MDGA2: variants seen among roughly 807,000 people sequenced by gnomAD.
MDGA2 encodes the protein MAM domain containing glycosylphosphatidylinositol anchor 2.
Under a neutral mutation model 117.8 loss-of-function variants are expected in MDGA2, and 40 were observed. That is an observed-to-expected ratio of 0.34 (90% CI 0.26 to 0.44). The LOEUF is 0.44. Ranked by LOEUF, MDGA2 falls within the 20% of genes least tolerant of loss-of-function variation. MDGA2 has a pLI of 1.00. For missense variants in MDGA2, 1,123 were observed against 1,250.6 expected, an observed-to-expected ratio of 0.90 and a Z score of 1.54; for synonymous variants, 452 against 439.0, an observed-to-expected ratio of 1.03 and a Z score of -0.37.
At chr14:47,499,037 G>T (rs980278359) in intron 1 of MDGA2, among the ~76,000 whole-genome samples, 1 of 151,760 alleles carries the variant, frequency 6.6e-6, no homozygotes, top group Non-Finnish European at 1.5e-5. Context: ...TATTTTCCTT[G>T]TATTATATGC....
intron 1 of MDGA2, among the ~76,000 whole-genome samples, chr14:47,360,775 T>C (rs1044376559): frequency 3.3e-5 from 5 of 152,122 alleles, no homozygotes; most frequent in Admixed American, 6.5e-5. Context: ...TGTGCTGCCA[T>C]GTTCATTGCA....
chr14:47,393,501 T>C (rs762526946), intron 1 of MDGA2, among the ~76,000 whole-genome samples: 2 of 152,160 alleles, frequency 1.3e-5, no homozygotes, highest in Non-Finnish European at 2.9e-5. Context: ...TCTTTTAAAT[T>C]GTGGGTATAG....
At chr14:47,327,044 C>T (rs962604505) in intron 1 of MDGA2, among the ~76,000 whole-genome samples, 1 of 152,122 alleles carries the variant, frequency 6.6e-6, no homozygotes, top group East Asian at 1.9e-4. Context: ...AAGCCCCTTC[C>T]CCACCTGGGC....
chr14:47,211,722 G>C (rs970405883), intron 3 of MDGA2, among the ~76,000 whole-genome samples: 3 of 152,130 alleles, frequency 2.0e-5, no homozygotes, highest in African/African-American at 7.2e-5. Flanking sequence ...GCCAAAAAAA[G>C]TGTAGAACTG....
chr14:47,392,997 C>T lies in MDGA2; in HGVS notation c.281-91447G>A, dbSNP rs544780715. 3.3e-5 allele frequency among the ~76,000 whole-genome samples: 5 copies of T among 151,680 alleles called. No individual in the cohort carries two copies. In the South Asian group the frequency reaches 1.0e-3, roughly 32 times the overall value. ...ACCAGTATTTTTTCAGAAGCTTTTG[C>T]AGCTAAAAAAGAAAGTAATCTTCCA... On this transcript the variant is annotated intron_variant, in intron 1 of 16. Coordinates refer to ENST00000399232, the MANE Select transcript of MDGA2 (RefSeq NM_001113498.3).
At chr14:46,896,458 C>T (rs1333434931) in intron 10 of MDGA2, among the ~76,000 whole-genome samples, 8 of 152,094 alleles carry the variant, frequency 5.3e-5, no homozygotes, top group African/African-American at 1.7e-4. Context: ...TACATTTATT[C>T]ATTCATTTAA....
chr14:46,971,522 T>C (rs1184007600), intron 8 of MDGA2, among the ~76,000 whole-genome samples: 1 of 151,932 alleles, frequency 6.6e-6, no homozygotes, highest in African/African-American at 2.4e-5. Context: ...CTTATGGAGA[T>C]AGAGTATAGA....
At chr14:47,534,767 C>T (rs2138740399) in intron 1 of MDGA2, among the ~76,000 whole-genome samples, 2 of 152,282 alleles carry the variant, frequency 1.3e-5, no homozygotes, top group South Asian at 4.1e-4. Context: ...TATATTGCGG[C>T]ACCAATAGCA....
rs576073583 is a variant in MDGA2 at position 47,648,862 on chromosome 14, A to C, written c.280+25655T>G. On this transcript the variant is annotated intron_variant, in intron 1 of 16. Coordinates refer to ENST00000399232, the MANE Select transcript of MDGA2 (RefSeq NM_001113498.3). ...GTGTTCAACACTTCTTTCTTAAACC[A>C]TATTTAAACAGATCTTCTTTAGAAT... Among the ~76,000 whole-genome samples, 36 of 152,234 alleles carry C rather than the reference A, an allele frequency of 2.4e-4. No individual in the cohort carries two copies. In the South Asian group the frequency reaches 7.0e-3, roughly 30 times the overall value.
In MDGA2 at chr14:46,884,725, TATATC is replaced by T. The variant is rs1882602401; in HGVS notation, c.2239-2509_2239-2505del. On this transcript the variant is annotated intron_variant, in intron 10 of 16. Transcript: ENST00000399232. The surrounding 1 kb of genome is among the most constrained non-coding windows in gnomAD (Gnocchi z 4.1). ...AAAAAAACCACTTGAATTGGAACCTTATATCTTATACATAAAATTCAGTCTCAGGA... is the reference window on the plus strand; with the variant it reads ...AAAAAAACCACTTGAATTGGAACCTTTTATACATAAAATTCAGTCTCAGGA... Among the ~76,000 whole-genome samples, 1 of 152,152 alleles carries T rather than the reference TATATC, an allele frequency of 6.6e-6. No individual in the cohort carries two copies. The highest frequency in any genetic ancestry group is 6.6e-5 in the Admixed American group (1 of 15,258).
intron 1 of MDGA2, among the ~76,000 whole-genome samples, chr14:47,446,558 G>A (rs1226318472): frequency 1.3e-5 from 2 of 151,966 alleles, no homozygotes; most frequent in African/African-American, 2.4e-5. Flanking sequence ...TTGTAAAAAC[G>A]AAAGTGGGGA....
At chr14:47,196,076 T>C (rs1885279176) in intron 3 of MDGA2, among the ~76,000 whole-genome samples, 1 of 152,118 alleles carries the variant, frequency 6.6e-6, no homozygotes, top group Non-Finnish European at 1.5e-5. Flanking sequence ...ATTTATGTAA[T>C]GACTTTGTAA....
chr14:47,219,640 G>T (rs747025555), intron 2 of MDGA2, among the ~76,000 whole-genome samples: 5 of 151,876 alleles, frequency 3.3e-5, no homozygotes, highest in African/African-American at 7.2e-5. Flanking sequence ...TTAGCCTACT[G>T]TATGTATAAA....
intron 8 of MDGA2, among the ~76,000 whole-genome samples, chr14:46,992,144 T>C (rs539853635): frequency 1.1e-4 from 17 of 152,250 alleles, no homozygotes; most frequent in African/African-American, 2.6e-4. Flanking sequence ...TAAAACTGCT[T>C]CCACTGACAC....
At chr14:47,359,629 T>TA (rs1276588589) in intron 1 of MDGA2, among the ~76,000 whole-genome samples, 1 of 145,348 alleles carries the variant, frequency 6.9e-6, no homozygotes, top group Non-Finnish European at 1.5e-5. Flanking sequence ...TCACCATACA[T>TA]AAAAAAAGCT....
Position 47,407,272 on chromosome 14 carries a change from T to C in MDGA2, c.281-105722A>G, listed in dbSNP as rs376800611. On this transcript the variant is annotated intron_variant, in intron 1 of 16. Transcript: ENST00000399232. ...AGTTTATACTTCCACTGGTGGTATA[T>C]GTATGTCCATTTCATTGCACCCTAA... 3.3e-5 allele frequency among the ~76,000 whole-genome samples: 5 copies of C among 152,322 alleles called. No individual in the cohort carries two copies. The South Asian group carries it at 1.0e-3, about 32-fold the overall frequency.
chr14:46,885,954 TCAAA>T (rs1882656721), intron 10 of MDGA2, among the ~76,000 whole-genome samples: 1 of 152,048 alleles, frequency 6.6e-6, no homozygotes, highest in Admixed American at 6.6e-5. Context: ...TCACAGGACA[TCAAA>T]CAAACCTCCC....
chr14:47,261,122 C>T (rs981430316), intron 2 of MDGA2, among the ~76,000 whole-genome samples: 5 of 152,150 alleles, frequency 3.3e-5, no homozygotes, highest in South Asian at 2.1e-4. Context: ...GGAAAAACAT[C>T]GTTAGGAAGG....
At chr14:47,019,729 A>T (rs1566577581) in intron 8 of MDGA2, among the ~76,000 whole-genome samples, 1 of 151,816 alleles carries the variant, frequency 6.6e-6, no homozygotes, top group Non-Finnish European at 1.5e-5. Flanking sequence ...CTGTAGTCCC[A>T]GCTACTCAGG....
Sources: allele counts gnomAD v4.1 joint callset (sites outside exome capture counted in the v4.1 genomes callset), GRCh38; gene constraint gnomAD v4.1.1; non-coding constraint Gnocchi (gnomAD v3.1); transcripts MANE v1.5; gene names NCBI Gene and HGNC (gene_info 2026-07-23, HGNC 2026-07-21).